CTXND1: variants seen among roughly 807,000 people sequenced by gnomAD.
The protein encoded by CTXND1 is cortexin domain containing 1, also known as cortexin domain-containing 1 protein.
rs948174192 is a variant in CTXND1, at chr15:80,197,893, C to G, written c.*3877G>C. ...CTGGAAATTTAATGAGACAGGGAGACACTGATCTTTCAACTCGATAAGAAC... is the reference window on the plus strand; with the variant it reads ...CTGGAAATTTAATGAGACAGGGAGAGACTGATCTTTCAACTCGATAAGAAC... On this transcript the variant is annotated 3_prime_UTR_variant, in exon 3 of 3. Transcript: ENST00000560778. 2 of 152,194 alleles carry G rather than the reference C, an allele frequency of 1.3e-5. No homozygotes were observed. The highest frequency in any genetic ancestry group is 4.8e-5 in the African/African-American group (2 of 41,450). The allele number at this position is 152,194 out of a possible 1,614,324, so 9.4% of individuals were successfully genotyped here.
chr15:80,215,152 C>G (rs1893238768), intron 1 of CTXND1, among the ~76,000 whole-genome samples: 1 of 152,178 alleles, frequency 6.6e-6, no homozygotes, highest in Non-Finnish European at 1.5e-5. Flanking sequence ...GGGCTCCAGT[C>G]CAGCAGCCAG....
chr15:80,242,650 A>T (rs1284158816), intron 1 of CTXND1, among the ~76,000 whole-genome samples: 1 of 152,168 alleles, frequency 6.6e-6, no homozygotes, highest in African/African-American at 2.4e-5. Flanking sequence ...GACTGGCTTT[A>T]TGTTTAATTT....
At chr15:80,213,472 C>T (rs141980851) in intron 1 of CTXND1, among the ~76,000 whole-genome samples, 26 of 151,754 alleles carry the variant, frequency 1.7e-4, no homozygotes, top group African/African-American at 5.8e-4. Flanking sequence ...TCTGGGTGGG[C>T]CCTAGATGTA....
intron 1 of CTXND1, among the ~76,000 whole-genome samples, chr15:80,208,830 C>T (rs977167019): frequency 2.6e-5 from 4 of 152,204 alleles, no homozygotes; most frequent in Admixed American, 6.5e-5. Context: ...AGCAATAACA[C>T]AGCAGAATTT....
In CTXND1 at chr15:80,233,492, C is replaced by T. The variant is rs1893455948; in HGVS notation, c.-218+18515G>A. 2.0e-5 allele frequency among the ~76,000 whole-genome samples: 3 copies of T among 152,166 alleles called. No individual in the cohort carries two copies. In the South Asian group the frequency reaches 6.2e-4, roughly 32 times the overall value. On this transcript the variant is annotated intron_variant, in intron 1 of 2. Transcript: ENST00000560778. ...TGGAATACAAGATGCTCCTGTCCTT[C>T]AGGCTGCAAACTGCCTGGCTCTTGG...
At chr15:80,220,995 G>A (rs886386903) in intron 1 of CTXND1, among the ~76,000 whole-genome samples, 10 of 150,824 alleles carry the variant, frequency 6.6e-5, no homozygotes, top group African/African-American at 9.7e-5. Context: ...TGCAAGCTCC[G>A]CCTCCCGGGT....
chr15:80,204,145 T>C (rs1893117976), intron 1 of CTXND1, among the ~76,000 whole-genome samples: 1 of 680 alleles, frequency 1.5e-3, no homozygotes, highest in Non-Finnish European at 6.0e-3. Context: ...AGACTGTGTC[T>C]CAAAAAAAAA....
At chr15:80,242,937 G>T (rs923147519) in intron 1 of CTXND1, among the ~76,000 whole-genome samples, 2 of 152,222 alleles carry the variant, frequency 1.3e-5, no homozygotes, top group African/African-American at 4.8e-5. Context: ...TGGCTTTAAA[G>T]AAGTAGGCTG....
chr15:80,235,527 G>A (rs1425724159), intron 1 of CTXND1, among the ~76,000 whole-genome samples: 2 of 152,146 alleles, frequency 1.3e-5, no homozygotes, highest in Non-Finnish European at 2.9e-5. Flanking sequence ...TACTGGGAGT[G>A]GCATAACGCG....
At chr15:80,237,336 GAAAAAAAAA>G (rs201997173) in intron 1 of CTXND1, among the ~76,000 whole-genome samples, 4 of 101,582 alleles carry the variant, frequency 3.9e-5, no homozygotes, top group Admixed American at 1.1e-4. Context: ...CAGTGTCTCA[GAAAAAAAAA>G]AAAAAAAAAA....
Position 80,201,762 on chromosome 15 carries a change from G to A in CTXND1, c.*8C>T, listed in dbSNP as rs945702590. 1.3e-5 allele frequency: 5 copies of A among 398,816 alleles called. No individual in the cohort carries two copies. Among genetic ancestry groups the A allele is most frequent in the Non-Finnish European group, 2.2e-5 (5 of 226,232 alleles). The allele number at this position is 398,816 out of a possible 1,614,324, so 24.7% of individuals were successfully genotyped here. ...AGCGCCAGGTCCAGTCCCCACAGCC[G>A]CTGTGCCTCAGTCGTCCAGGTGCTG... On this transcript the variant is annotated 3_prime_UTR_variant, in exon 3 of 3. Coordinates refer to ENST00000560778, the MANE Select transcript of CTXND1 (RefSeq NM_001352888.2).
At chr15:80,222,992 A>G (rs1290598857) in intron 1 of CTXND1, among the ~76,000 whole-genome samples, 1 of 152,250 alleles carries the variant, frequency 6.6e-6, no homozygotes, top group Non-Finnish European at 1.5e-5. Flanking sequence ...GAAACTTCAT[A>G]TAAATGGAAT....
At position 80,201,681 on chromosome 15, in the gene CTXND1, G is replaced by C. The variant is rs1013115591; in HGVS notation, c.*89C>G. ...GCCAGATTCATTCCTTGCCTCTGTG[G>C]GATGGCAGGCTGGCAGGGAACACAC... On this transcript the variant is annotated 3_prime_UTR_variant, in exon 3 of 3. Transcript: ENST00000560778. 2.5e-6 allele frequency: 1 copy of C among 397,868 alleles called. No individual in the cohort carries two copies. Among genetic ancestry groups the C allele is most frequent in the African/African-American group, 2.1e-5 (1 of 48,620 alleles). 24.6% of individuals were successfully genotyped at this position (397,868 alleles called of 1,614,324 possible). A position where few individuals can be genotyped will look rare whatever the true frequency, so the allele number is the denominator to read the frequency against.
chr15:80,231,480 A>G (rs1893429797), intron 1 of CTXND1, among the ~76,000 whole-genome samples: 1 of 152,188 alleles, frequency 6.6e-6, no homozygotes, highest in South Asian at 2.1e-4. Context: ...GGACACAAAC[A>G]TGGCTCTAAA....
intron 1 of CTXND1, among the ~76,000 whole-genome samples, chr15:80,232,521 G>C (rs1428243444): frequency 1.3e-5 from 2 of 152,146 alleles, no homozygotes; most frequent in Non-Finnish European, 2.9e-5. Flanking sequence ...TCCAAATAAT[G>C]AAGTTGAGTG....
At chr15:80,233,319 G>A (rs1401641957) in intron 1 of CTXND1, among the ~76,000 whole-genome samples, 1 of 152,114 alleles carries the variant, frequency 6.6e-6, no homozygotes, top group East Asian at 1.9e-4. Context: ...TGGATCTCTG[G>A]GAAGAGTAAA....
intron 1 of CTXND1, among the ~76,000 whole-genome samples, chr15:80,214,011 G>A (rs1893227574): frequency 6.6e-6 from 1 of 151,870 alleles, no homozygotes; most frequent in African/African-American, 2.4e-5. Flanking sequence ...AACTGGTAAG[G>A]CAATAACCTA....
chr15:80,219,938 G>A (rs1234018113), intron 1 of CTXND1, among the ~76,000 whole-genome samples: 4 of 151,854 alleles, frequency 2.6e-5, no homozygotes, highest in South Asian at 4.2e-4. Context: ...AATCCCTCCC[G>A]CCCCGCAATC....
intron 1 of CTXND1, among the ~76,000 whole-genome samples, chr15:80,243,276 C>T (rs1043193674): frequency 6.6e-6 from 1 of 152,196 alleles, no homozygotes; most frequent in South Asian, 2.1e-4. Context: ...TTATACCTAC[C>T]AAGCCTGGGG....
Sources: gnomAD v4.1 joint callset for allele counts (sites outside exome capture counted in the v4.1 genomes callset) on GRCh38, gnomAD v4.1.1 for gene constraint, MANE v1.5 for transcripts, NCBI Gene and HGNC (gene_info 2026-07-23, HGNC 2026-07-21) for gene names.